GLCCI1: variants seen among roughly 807,000 people sequenced by gnomAD.
GLCCI1 encodes the protein glucocorticoid induced 1.
In GLCCI1, 24 loss-of-function variants were observed where a neutral mutation model predicts 52.2. That is an observed-to-expected ratio of 0.46 (90% CI 0.33 to 0.65). GLCCI1 has a LOEUF of 0.65. GLCCI1 is among the 30% of genes least tolerant of loss of function. The pLI, the probability that GLCCI1 is intolerant of heterozygous loss-of-function variation, is 0.02. For synonymous variants in GLCCI1, 310 were observed against 276.5 expected (o/e 1.12, Z -1.20); for missense variants, 704 against 701.5 (o/e 1.00, Z -0.04).
At chr7:8,039,112 T>C (rs796734947) in intron 3 of GLCCI1, among the ~76,000 whole-genome samples, 3 of 152,138 alleles carry the variant, frequency 2.0e-5, no homozygotes, top group African/African-American at 7.2e-5. Context: ...AAAAAAATAG[T>C]TGTTGGTGAG....
chr7:7,996,998 G>T (rs1335262276), intron 1 of GLCCI1, among the ~76,000 whole-genome samples: 3 of 152,102 alleles, frequency 2.0e-5, no homozygotes, highest in African/African-American at 7.2e-5. Flanking sequence ...TATTTTACGT[G>T]GCCTATGTAT....
At chr7:8,027,542 A>G (rs780148783) in intron 3 of GLCCI1, among the ~76,000 whole-genome samples, 2 of 152,124 alleles carry the variant, frequency 1.3e-5, no homozygotes, top group Non-Finnish European at 2.9e-5. Context: ...AAGGAAGACA[A>G]GAAGGGTAGA....
At position 8,058,213 on chromosome 7, in the gene GLCCI1, A is replaced by G. The variant is rs532336028; in HGVS notation, c.814-1883A>G. ...ATACAAAATGCCTGGAATCAAACTT[A>G]AAAGAAATATGTAAACTATACATCT... On this transcript the variant is annotated intron_variant, in intron 4 of 7. Transcript: ENST00000223145. 1.1e-3 allele frequency among the ~76,000 whole-genome samples: 165 copies of G among 148,580 alleles called. 1 individual carries two copies. Among genetic ancestry groups the G allele is most frequent in the African/African-American group, 3.7e-3 (153 of 41,232 alleles).
At chr7:8,002,809 C>T (rs1336277391) in intron 1 of GLCCI1, among the ~76,000 whole-genome samples, 1 of 152,150 alleles carries the variant, frequency 6.6e-6, no homozygotes, top group Admixed American at 6.5e-5. Context: ...GGAGAATCCT[C>T]TATAGTTATC....
chr7:8,045,345 A>G (rs1375167477), intron 3 of GLCCI1, among the ~76,000 whole-genome samples: 1 of 152,160 alleles, frequency 6.6e-6, no homozygotes, highest in East Asian at 1.9e-4. Context: ...GGGATGTGGG[A>G]GGAAACCAGA....
intron 5 of GLCCI1, among the ~76,000 whole-genome samples, chr7:8,065,679 G>C (rs1562448165): frequency 6.6e-6 from 1 of 152,060 alleles, no homozygotes; most frequent in East Asian, 1.9e-4. Context: ...TCCGTTTTTA[G>C]TTCTATTTGA....
chr7:8,013,610 A>G (rs1370471349), intron 2 of GLCCI1, among the ~76,000 whole-genome samples: 5 of 152,240 alleles, frequency 3.3e-5, no homozygotes, highest in African/African-American at 7.2e-5. Context: ...AATTGTTACC[A>G]TATTGAATCT....
At chr7:8,034,756 C>T (rs1027941432) in intron 3 of GLCCI1, among the ~76,000 whole-genome samples, 1 of 152,180 alleles carries the variant, frequency 6.6e-6, no homozygotes, top group Admixed American at 6.5e-5. Flanking sequence ...CAGAGATTAG[C>T]TAGGAAGCCC....
chr7:8,023,847 C>A (rs1238389172), intron 3 of GLCCI1, among the ~76,000 whole-genome samples: 1 of 151,830 alleles, frequency 6.6e-6, no homozygotes, highest in East Asian at 1.9e-4. Flanking sequence ...GATCTGCCCA[C>A]CTCGGCCTCC....
At chr7:8,053,468 C>G (rs1782313048) in intron 3 of GLCCI1, among the ~76,000 whole-genome samples, 1 of 150,804 alleles carries the variant, frequency 6.6e-6, no homozygotes, top group African/African-American at 2.4e-5. Context: ...GATTACAGGC[C>G]CACACCACCA....
intron 2 of GLCCI1, among the ~76,000 whole-genome samples, chr7:8,021,603 A>G (rs993468110): frequency 2.0e-5 from 3 of 152,054 alleles, no homozygotes; most frequent in African/African-American, 7.2e-5. Flanking sequence ...GGGTTTCACC[A>G]TGTTGGTCAG....
chr7:8,034,158 A>G (rs1257483831), intron 3 of GLCCI1, among the ~76,000 whole-genome samples: 1 of 152,164 alleles, frequency 6.6e-6, no homozygotes, highest in Non-Finnish European at 1.5e-5. Context: ...ATTGAAAAAG[A>G]CAGTCTTTTC....
In GLCCI1 at chr7:7,976,498, AG is replaced by A. The variant is rs1562413209; in HGVS notation, c.457+6693del. ...CCATCTCAAAAAAAAAAAAAAAAAA[AG>A]GAAAGGAAAAAGGAAAGGAGAAAGG... On this transcript the variant is annotated intron_variant, in intron 1 of 7. Coordinates refer to ENST00000223145, the MANE Select transcript of GLCCI1 (RefSeq NM_138426.4). 6.3e-4 allele frequency among the ~76,000 whole-genome samples: 84 copies of A among 133,134 alleles called. 2 individuals carry two copies. The highest frequency in any genetic ancestry group is 1.9e-3 in the African/African-American group (63 of 32,580). 87.3% of individuals were successfully genotyped at this position (133,134 alleles called of 152,430 possible).
At chr7:7,998,250 CT>C (rs1238566262) in intron 1 of GLCCI1, among the ~76,000 whole-genome samples, 1 of 150,724 alleles carries the variant, frequency 6.6e-6, no homozygotes, top group Non-Finnish European at 1.5e-5. Context: ...GAGTCTCGCT[CT>C]TGTCACCCAG....
chr7:8,061,997 A>C (rs796405342), intron 5 of GLCCI1, among the ~76,000 whole-genome samples: 20 of 152,204 alleles, frequency 1.3e-4, no homozygotes, highest in African/African-American at 4.6e-4. Context: ...GCATTAAGTG[A>C]AGTTTAAGAA....
chr7:8,069,892 A>G (rs4725065), intron 5 of GLCCI1, among the ~76,000 whole-genome samples: 70,877 of 152,120 alleles, frequency 0.47, 16,846 homozygotes, highest in Middle Eastern at 0.57. Context: ...TTATAAATAA[A>G]TTAACAGCAT....
At chr7:7,995,870 T>C (rs969270446) in intron 1 of GLCCI1, among the ~76,000 whole-genome samples, 10 of 152,052 alleles carry the variant, frequency 6.6e-5, no homozygotes, top group Non-Finnish European at 1.3e-4. Context: ...CTGCACGTTG[T>C]GCACATATAC....
At chr7:8,009,006 C>A (rs1194978236) in intron 2 of GLCCI1, among the ~76,000 whole-genome samples, 2 of 152,006 alleles carry the variant, frequency 1.3e-5, no homozygotes, top group Admixed American at 6.6e-5. Flanking sequence ...GCTTTCTTTT[C>A]TGTAAATTGA....
chr7:7,992,017 A>G (rs1780846410), intron 1 of GLCCI1, among the ~76,000 whole-genome samples: 1 of 151,662 alleles, frequency 6.6e-6, no homozygotes, highest in African/African-American at 2.4e-5. Context: ...CAATTCAATG[A>G]CGTTGGAGGA....
Sources: allele counts gnomAD v4.1 joint callset (sites outside exome capture counted in the v4.1 genomes callset), GRCh38; gene constraint gnomAD v4.1.1; transcripts MANE v1.5; gene names NCBI Gene and HGNC (gene_info 2026-07-23, HGNC 2026-07-21).